The following GRM7 variants were observed in gnomAD, a reference collection of about 807,000 sequenced individuals.
GRM7 encodes the protein metabotropic glutamate receptor 7.
A neutral mutation model predicts 84.5 loss-of-function variants in GRM7; 35 were observed. That is an observed-to-expected ratio of 0.41 (90% CI 0.32 to 0.55). The LOEUF (loss-of-function observed/expected upper bound fraction) is 0.55, where lower values mean the gene tolerates loss of function less well. GRM7 is among the 20% of genes least tolerant of loss of function. The probability of loss-of-function intolerance (pLI) is 0.19; values close to 1 mark genes in which losing one functional copy is unlikely to be tolerated. For synonymous variants in GRM7, 487 were observed against 455.1 expected (o/e 1.07, Z -0.89); for missense variants, 1,003 against 1,194.6 (o/e 0.84, Z 2.36).
intron 8 of GRM7, among the ~76,000 whole-genome samples, chr3:7,670,243 G>T (rs1185594816): frequency 6.6e-6 from 1 of 152,180 alleles, no homozygotes; most frequent in African/African-American, 2.4e-5. Flanking sequence ...AAGGTGAAAA[G>T]AGGAAGCTGA....
intron 7 of GRM7, among the ~76,000 whole-genome samples, chr3:7,526,048 C>T (rs2124998066): frequency 6.6e-6 from 1 of 152,198 alleles, no homozygotes; most frequent in South Asian, 2.1e-4. Context: ...ATTTATTTTT[C>T]TTTGGGTAGA....
intron 1 of GRM7, among the ~76,000 whole-genome samples, chr3:7,011,747 C>A (rs1695375155): frequency 6.6e-6 from 1 of 152,014 alleles, no homozygotes. Context: ...ATACTGAGAA[C>A]CATGTGTATG....
chr3:7,186,710 G>A (rs1444849121), intron 2 of GRM7, among the ~76,000 whole-genome samples: 7 of 151,982 alleles, frequency 4.6e-5, no homozygotes, highest in Admixed American at 1.3e-4. Flanking sequence ...TGTCATAACC[G>A]TCTTTAGCTT....
At chr3:7,422,935 T>C (rs1333536598) in intron 5 of GRM7, among the ~76,000 whole-genome samples, 1 of 152,154 alleles carries the variant, frequency 6.6e-6, no homozygotes, top group Non-Finnish European at 1.5e-5. Context: ...ACAAGCAAAG[T>C]AGATGGATGG....
chr3:7,387,310 A>G (rs183912159), intron 4 of GRM7, among the ~76,000 whole-genome samples: 27 of 152,166 alleles, frequency 1.8e-4, no homozygotes, highest in Admixed American at 6.5e-4. Context: ...CCATTTGTCT[A>G]TTTTTAAATT....
At chr3:7,099,434 AC>A (rs1419131149) in intron 1 of GRM7, among the ~76,000 whole-genome samples, 2 of 149,476 alleles carry the variant, frequency 1.3e-5, no homozygotes, top group Non-Finnish European at 3.0e-5. Context: ...ATATACGTAT[AC>A]ATTATACATA....
chr3:7,237,609 G>A (rs1697391915), intron 2 of GRM7, among the ~76,000 whole-genome samples: 1 of 152,138 alleles, frequency 6.6e-6, no homozygotes, highest in Non-Finnish European at 1.5e-5. Flanking sequence ...GCTGGCTTCA[G>A]GAGTGAAGCC....
At chr3:7,520,805 T>C (rs567408773) in intron 7 of GRM7, among the ~76,000 whole-genome samples, 1 of 152,334 alleles carries the variant, frequency 6.6e-6, no homozygotes, top group Admixed American at 6.5e-5. Flanking sequence ...TGTATTTTCC[T>C]GAGTGGGGCA....
intron 2 of GRM7, among the ~76,000 whole-genome samples, chr3:7,152,840 G>C (rs1188184153): frequency 6.6e-6 from 1 of 152,166 alleles, no homozygotes; most frequent in Non-Finnish European, 1.5e-5. Context: ...CATCGCTGTA[G>C]AGCTAAAACA....
intron 7 of GRM7, among the ~76,000 whole-genome samples, chr3:7,474,456 ATTG>A (rs1231105767): frequency 7.7e-6 from 1 of 129,366 alleles, no homozygotes; most frequent in Admixed American, 7.5e-5. Flanking sequence ...AAAAAAAAAA[ATTG>A]ACAATTGAGA....
At chr3:6,941,827 T>A (rs191037446) in intron 1 of GRM7, among the ~76,000 whole-genome samples, 6 of 152,182 alleles carry the variant, frequency 3.9e-5, no homozygotes, top group African/African-American at 2.4e-5. Context: ...CTGGGCTAGA[T>A]AGGTGAACAA....
intron 2 of GRM7, among the ~76,000 whole-genome samples, chr3:7,163,977 A>G (rs1050915670): frequency 1.3e-5 from 2 of 152,206 alleles, no homozygotes; most frequent in Admixed American, 6.5e-5. Flanking sequence ...CATCATCCCT[A>G]TCAGAGAACT....
At chr3:7,381,956 A>C (rs1387147152) in intron 4 of GRM7, among the ~76,000 whole-genome samples, 1 of 152,146 alleles carries the variant, frequency 6.6e-6, no homozygotes, top group African/African-American at 2.4e-5. Flanking sequence ...TATTTCTAGG[A>C]TGATGACCCA....
At chr3:7,515,744 A>G (rs77231286) in intron 7 of GRM7, among the ~76,000 whole-genome samples, 14,118 of 152,166 alleles carry the variant, frequency 0.093, 814 homozygotes, top group South Asian at 0.12. Context: ...TTAGAACGCC[A>G]TAATCTCAGG....
intron 7 of GRM7, among the ~76,000 whole-genome samples, chr3:7,473,400 C>A (rs1698781952): frequency 6.6e-6 from 1 of 151,724 alleles, no homozygotes; most frequent in Admixed American, 6.6e-5. Flanking sequence ...CCTTTGAGCC[C>A]AGGAGTTCGA....
At chr3:7,686,326 A>C (rs748167268) in intron 9 of GRM7, 2 of 866,520 alleles carry the variant, frequency 2.3e-6, no homozygotes, top group Admixed American at 3.6e-5. Flanking sequence ...CATTTATTTT[A>C]TACATACCTA....
chr3:7,185,047 G>C (rs1359015283), intron 2 of GRM7, among the ~76,000 whole-genome samples: 1 of 152,110 alleles, frequency 6.6e-6, no homozygotes, highest in Non-Finnish European at 1.5e-5. Context: ...GCATTTTATA[G>C]GTAAGAAAAC....
chr3:7,332,315 G>T lies in GRM7; in HGVS notation c.1033+25663G>T, dbSNP rs536829745. On this transcript the variant is annotated intron_variant, in intron 4 of 9. Coordinates refer to ENST00000357716, the MANE Select transcript of GRM7 (RefSeq NM_000844.4). ...ACAATTTATCTTAGGGAAAGAAATAGAACTAAGATCATATACCTGGTTAAT... is the reference window on the plus strand; with the variant it reads ...ACAATTTATCTTAGGGAAAGAAATATAACTAAGATCATATACCTGGTTAAT... Among the ~76,000 whole-genome samples the T allele has an allele frequency of 4.3e-4, 66 of 152,282 alleles. 1 individual carries two copies. The highest frequency in any genetic ancestry group is 1.5e-3 in the African/African-American group (62 of 41,568).
chr3:7,306,354 G>T, intron 3 of GRM7, 144 bp from the exon 4 acceptor site: 1 of 643,958 alleles, frequency 1.6e-6, no homozygotes, highest in Non-Finnish European at 2.8e-6. Flanking sequence ...TTATATATTA[G>T]GGATATAAAT....
Sources: gnomAD v4.1 joint callset for allele counts (sites outside exome capture counted in the v4.1 genomes callset) on GRCh38, gnomAD v4.1.1 for gene constraint, MANE v1.5 for transcripts, NCBI Gene and HGNC (gene_info 2026-07-23, HGNC 2026-07-21) for gene names.